Variants in ATXN2 observed in about 807,000 individuals in gnomAD.
ATXN2 encodes ataxin 2, also known as ataxin-2.
In ATXN2, 37 loss-of-function variants were observed where a neutral mutation model predicts 138.6. That is an observed-to-expected ratio of 0.27 (90% CI 0.21 to 0.35). The LOEUF is 0.35. Ranked by LOEUF, ATXN2 falls within the 10% of genes least tolerant of loss-of-function variation. The pLI is 1.00. For missense variants in ATXN2, 1,216 were observed against 1,480.3 expected (o/e 0.82, Z 2.93); for synonymous variants, 549 against 543.7 (o/e 1.01, Z -0.13).
At chr12:111,585,350 T>G (rs1436755966) in intron 1 of ATXN2, among the ~76,000 whole-genome samples, 1 of 151,008 alleles carries the variant, frequency 6.6e-6, no homozygotes, top group African/African-American at 2.4e-5. Context: ...CCATCTCTAC[T>G]AAAAATACAA....
intron 1 of ATXN2, among the ~76,000 whole-genome samples, chr12:111,575,412 C>T (rs1360696408): frequency 1.3e-5 from 2 of 152,010 alleles, no homozygotes; most frequent in Non-Finnish European, 2.9e-5. Flanking sequence ...GTCTTGAACT[C>T]CTGGCCCTTC....
rs114980296 is a variant in ATXN2, at chr12:111,585,956, T to C, written c.251+12828A>G. Among the ~76,000 whole-genome samples the C allele has an allele frequency of 3.5e-3, 533 of 152,000 alleles. 1 individual carries two copies. Among genetic ancestry groups the C allele is most frequent in the African/African-American group, 0.012 (511 of 41,496 alleles). ...TCTCATTTTAACGCCCAGGCTGGAG[T>C]GCAGTGGTGCAATCATGGCTCACCT... On this transcript the variant is annotated intron_variant, in intron 1 of 24. Transcript: ENST00000673436.
intron 18 of ATXN2, among the ~76,000 whole-genome samples, chr12:111,475,344 CAA>C (rs772048264): frequency 5.2e-4 from 24 of 45,970 alleles, no homozygotes; most frequent in African/African-American, 1.0e-3. Flanking sequence ...GATTCCATCT[CAA>C]AAAAAAAAAA....
intron 18 of ATXN2, chr12:111,479,066 T>C: frequency 2.6e-6 from 1 of 389,952 alleles, no homozygotes; most frequent in Admixed American, 4.5e-5. Flanking sequence ...AAATATGCAC[T>C]TACCATACCT....
At chr12:111,556,752 G>A (rs898834706) in intron 1 of ATXN2, among the ~76,000 whole-genome samples, 5 of 151,332 alleles carry the variant, frequency 3.3e-5, no homozygotes, top group Non-Finnish European at 7.4e-5. Flanking sequence ...GGAGGTGGAG[G>A]TTGCAGTGAG....
Position 111,459,240 on chromosome 12 carries a change from A to C in ATXN2, c.2897-1881T>G, listed in dbSNP as rs549932430. On this transcript the variant is annotated intron_variant, in intron 21 of 24. Transcript: ENST00000673436. ...AAACGATGAAGCCTTCCTGAGCTTC[A>C]CAGTCCCATAAGTCTATAAGACAGT... Among the ~76,000 whole-genome samples the C allele has an allele frequency of 4.6e-5, 7 of 152,348 alleles. No individual in the cohort carries two copies. The South Asian group carries it at 1.2e-3, about 27-fold the overall frequency.
chr12:111,471,553 A>G (rs1469940175), intron 18 of ATXN2: 2 of 152,236 alleles, frequency 1.3e-5, no homozygotes, highest in African/African-American at 2.4e-5. Flanking sequence ...ACAACTAGGT[A>G]TAAGGCACAA....
At chr12:111,544,184 T>A (rs1377124386) in intron 5 of ATXN2, among the ~76,000 whole-genome samples, 4 of 152,202 alleles carry the variant, frequency 2.6e-5, no homozygotes, top group Admixed American at 2.6e-4. Context: ...GTACACAGTT[T>A]CACTAGGTTC....
chr12:111,462,963 C>CAT (rs371550351), intron 21 of ATXN2, among the ~76,000 whole-genome samples: 8,186 of 148,186 alleles, frequency 0.055, 245 homozygotes, highest in African/African-American at 0.082. Context: ...TACACACATA[C>CAT]ATATATATAT....
At chr12:111,571,005 C>G (rs930570066) in intron 1 of ATXN2, among the ~76,000 whole-genome samples, 1 of 152,224 alleles carries the variant, frequency 6.6e-6, no homozygotes, top group Non-Finnish European at 1.5e-5. Flanking sequence ...CTAAAAGTTA[C>G]TGAGCACTTA....
intron 1 of ATXN2, among the ~76,000 whole-genome samples, chr12:111,558,305 A>C (rs993842201): frequency 3.3e-5 from 5 of 152,178 alleles, no homozygotes; most frequent in African/African-American, 9.7e-5. Flanking sequence ...AGTATCTCAA[A>C]CCAAATATTT....
At chr12:111,476,785 A>G (rs564829676) in intron 18 of ATXN2, among the ~76,000 whole-genome samples, 123 of 152,340 alleles carry the variant, frequency 8.1e-4, no homozygotes, top group African/African-American at 2.9e-3. Context: ...TGAAGATTCC[A>G]TATTGTTAAG....
At position 111,459,581 on chromosome 12, in the gene ATXN2, T is replaced by C. The variant is rs574066523; in HGVS notation, c.2897-2222A>G. ...TCAGCCTGCCGAGTAGCTGGAACTA[T>C]AGGCAAGCATCACCATGCCTGGCTG... On this transcript the variant is annotated intron_variant, in intron 21 of 24. Transcript: ENST00000673436. Among the ~76,000 whole-genome samples the C allele has an allele frequency of 4.0e-5, 6 of 150,622 alleles. No individual in the cohort carries two copies. The South Asian group carries it at 1.3e-3, about 32-fold the overall frequency.
intron 1 of ATXN2, among the ~76,000 whole-genome samples, chr12:111,582,643 C>T (rs1228085244): frequency 6.6e-6 from 1 of 152,114 alleles, no homozygotes; most frequent in Non-Finnish European, 1.5e-5. Flanking sequence ...AATATTAAGA[C>T]TTTAGTATCT....
Position 111,509,987 on chromosome 12 carries a change from T to C in ATXN2, c.1768A>G (p.Arg590Gly). 1 of 1,602,994 alleles carries C rather than the reference T, an allele frequency of 6.2e-7. No homozygotes were observed. The highest frequency in any genetic ancestry group is 8.5e-7 in the Non-Finnish European group (1 of 1,176,312). Residue 590 changes from arginine to glycine, a missense_variant, in exon 13 of 25, where the codon AGG (arginine) becomes GGG (glycine). Arg to Gly is a moderately radical substitution (Grantham distance 125). Coordinates refer to ENST00000673436, the MANE Select transcript of ATXN2 (RefSeq NM_001372574.1). ...VTPSSEAKDS[R>G]LQDQRQNSPA... The stretch of plus-strand genomic sequence containing the variant: ...GAGTTCTGCCTCTGATCTTGAAGCC[T>C]GGAATCTTTAGCTAGAAAACAATTT...
At chr12:111,510,738 A>T (rs1879458126) in intron 11 of ATXN2, 156 bp from the exon 12 acceptor site, 3 of 607,442 alleles carry the variant, frequency 4.9e-6, no homozygotes, top group East Asian at 6.2e-5. Context: ...AAATGTTAGG[A>T]ATTTGCTGGC....
chr12:111,453,590 T>C lies in ATXN2; in HGVS notation c.3439+87A>G. 6.8e-7 allele frequency: 1 copy of C among 1,460,396 alleles called. No individual in the cohort carries two copies. The highest frequency in any genetic ancestry group is 2.5e-5 in the East Asian group (1 of 39,890). The allele number at this position is 1,460,396 out of a possible 1,614,324, so 90.5% of individuals were successfully genotyped here. On this transcript the variant is annotated intron_variant, in intron 24 of 24. Coordinates refer to ENST00000673436, the MANE Select transcript of ATXN2 (RefSeq NM_001372574.1). This position sits in a 1 kb window ranked among gnomAD's most constrained non-coding sequence, Gnocchi z 5.4. ...TCTTGCTAGTTCTCAAATGCGGGGC[T>C]TGAAGCACTGGCCCTGCCTGCCATT...
intron 14 of ATXN2, among the ~76,000 whole-genome samples, chr12:111,506,405 C>T (rs1879113216): frequency 6.6e-6 from 1 of 152,108 alleles, no homozygotes; most frequent in Non-Finnish European, 1.5e-5. Context: ...GATTTATACA[C>T]TTTAAACGGT....
At chr12:111,596,150 G>C (rs1409766460) in intron 1 of ATXN2, among the ~76,000 whole-genome samples, 3 of 150,996 alleles carry the variant, frequency 2.0e-5, no homozygotes, top group Non-Finnish European at 2.9e-5. Context: ...ACTGCAGTAA[G>C]CTGAGATCAG....
Sources: allele counts gnomAD v4.1 joint callset (sites outside exome capture counted in the v4.1 genomes callset), GRCh38; gene constraint gnomAD v4.1.1; non-coding constraint Gnocchi (gnomAD v3.1); transcripts MANE v1.5; gene names NCBI Gene and HGNC (gene_info 2026-07-23, HGNC 2026-07-21).